Variants in TENM2 observed in about 807,000 individuals in gnomAD.
TENM2 encodes teneurin transmembrane protein 2.
Under a neutral mutation model 245.2 loss-of-function variants are expected in TENM2, and 52 were observed. The ratio of observed to expected loss-of-function variants is 0.21; its 90% CI spans 0.17 to 0.27. The LOEUF (loss-of-function observed/expected upper bound fraction) is 0.27, where lower values mean the gene tolerates loss of function less well. Among genes scored for constraint, TENM2 ranks in the 10% least tolerant of loss-of-function variants. TENM2 has a pLI of 1.00. For synonymous variants in TENM2, 1,363 were observed against 1,438.9 expected (o/e 0.95, Z 1.19); for missense variants, 3,046 against 3,666.8 (o/e 0.83, Z 4.37).
the TENM2 span, among the ~76,000 whole-genome samples, chr5:167,271,815 C>T: frequency 4.6e-5 from 7 of 152,104 alleles, no homozygotes; most frequent in African/African-American, 1.7e-4. Context: ...TTGCTCTGGA[C>T]ATTAACCAGA....
chr5:167,240,798 A>C, the TENM2 span, among the ~76,000 whole-genome samples: 2 of 152,218 alleles, frequency 1.3e-5, no homozygotes, highest in East Asian at 3.9e-4. Context: ...TTCTTAGAAC[A>C]AGAAAAATTT....
Position 167,817,398 on chromosome 5 carries a change from A to G in TENM2, c.503-58588A>G, listed in dbSNP as rs115900347. ...TATCTATTTAACTATATCATTAGAG[A>G]AAAATATATGGAAAAAACTTCTGTA... is the stretch of plus-strand genomic sequence containing the variant. On this transcript the variant is annotated intron_variant, in intron 2 of 28. Coordinates refer to ENST00000518659, the Ensembl canonical transcript of TENM2. Among the ~76,000 whole-genome samples, 1,418 of 152,326 alleles carry G rather than the reference A, an allele frequency of 9.3e-3. 12 individuals are homozygous for G. The highest frequency in any genetic ancestry group is 0.014 in the Non-Finnish European group (962 of 68,028).
chr5:167,993,505 T>C (rs1002198008), intron 5 of TENM2, among the ~76,000 whole-genome samples: 1 of 152,254 alleles, frequency 6.6e-6, no homozygotes, highest in Non-Finnish European at 1.5e-5. Context: ...TCTAGTTTTC[T>C]CCATCCTTGG....
the TENM2 span, among the ~76,000 whole-genome samples, chr5:167,244,396 G>T: frequency 6.6e-6 from 1 of 152,106 alleles, no homozygotes; most frequent in African/African-American, 2.4e-5. Context: ...TATATTTAAA[G>T]AAAAACAGGA....
At chr5:167,842,580 CAAAAAAAAAAAAA>C (rs1160974467) in intron 2 of TENM2, among the ~76,000 whole-genome samples, 7,943 of 45,376 alleles carry the variant, frequency 0.18, 389 homozygotes, top group South Asian at 0.41. Context: ...GACTCCATGT[CAAAAAAAAAAAAA>C]AAAAAAAAAA....
chr5:167,805,776 A>C (rs1766118900), intron 2 of TENM2, among the ~76,000 whole-genome samples: 1 of 152,114 alleles, frequency 6.6e-6, no homozygotes. Flanking sequence ...AGCATCCAGG[A>C]ACTGGTTTTG....
the TENM2 span, among the ~76,000 whole-genome samples, chr5:167,091,793 A>G: frequency 4.1e-3 from 623 of 152,302 alleles, 5 homozygotes; most frequent in Non-Finnish European, 4.0e-3. Flanking sequence ...TGAAAGTAGA[A>G]AGAATTTTGT....
chr5:167,282,331 G>C, upstream of TENM2, among the ~76,000 whole-genome samples: 1 of 152,058 alleles, frequency 6.6e-6, no homozygotes, highest in East Asian at 1.9e-4. Context: ...TCCTTTATTG[G>C]AGCCTAGCTT....
chr5:167,172,326 G>A, the TENM2 span, among the ~76,000 whole-genome samples: 18 of 152,266 alleles, frequency 1.2e-4, no homozygotes, highest in African/African-American at 3.6e-4. Context: ...CTATTCATAG[G>A]CAATGTGGTA....
chr5:167,617,145 T>C (rs934030809), intron 2 of TENM2, among the ~76,000 whole-genome samples: 6 of 152,192 alleles, frequency 3.9e-5, no homozygotes, highest in African/African-American at 1.2e-4. Flanking sequence ...CTTTTTCCCT[T>C]CTTTAAATTG....
At chr5:167,549,124 G>C (rs1772763275) in intron 2 of TENM2, among the ~76,000 whole-genome samples, 1 of 152,104 alleles carries the variant, frequency 6.6e-6, no homozygotes, top group Non-Finnish European at 1.5e-5. Context: ...TATCAGCTCA[G>C]CCAATCGTAG....
chr5:167,568,552 GT>G (rs1166419180), intron 2 of TENM2, among the ~76,000 whole-genome samples: 3 of 152,052 alleles, frequency 2.0e-5, no homozygotes, highest in Non-Finnish European at 1.5e-5. Context: ...CAGTAAGTGT[GT>G]GACACCATTG....
the TENM2 span, among the ~76,000 whole-genome samples, chr5:167,209,517 G>A: frequency 6.6e-6 from 1 of 152,114 alleles, no homozygotes; most frequent in Non-Finnish European, 1.5e-5. Context: ...GCCTCCCAAA[G>A]TGCTGGGATT....
At chr5:168,090,762 T>A in exon 8 of TENM2, 1 of 1,613,594 alleles carries the variant, frequency 6.2e-7, no homozygotes, top group Non-Finnish European at 8.5e-7. Flanking sequence ...TCAATACTGT[T>A]GTCCTAGGTA....
intron 1 of TENM2, among the ~76,000 whole-genome samples, chr5:167,321,858 G>T (rs1204462881): frequency 1.6e-5 from 2 of 127,946 alleles, no homozygotes; most frequent in Admixed American, 9.6e-5. Flanking sequence ...ACCCAGACTG[G>T]AGTTACAGTG....
intron 3 of TENM2, among the ~76,000 whole-genome samples, chr5:167,910,975 A>T (rs1227632721): frequency 6.6e-6 from 1 of 152,152 alleles, no homozygotes; most frequent in Non-Finnish European, 1.5e-5. Context: ...AAACCCTAGG[A>T]AAAAAGCGTA....
intron 3 of TENM2, among the ~76,000 whole-genome samples, chr5:167,907,528 T>C (rs1428939191): frequency 1.2e-4 from 1 of 8,352 alleles, no homozygotes; most frequent in African/African-American, 8.7e-4. Context: ...ACCCTAAATA[T>C]ATATATATAT....
At chr5:167,560,243 G>A (rs1023861784) in intron 2 of TENM2, among the ~76,000 whole-genome samples, 1 of 152,186 alleles carries the variant, frequency 6.6e-6, no homozygotes, top group Non-Finnish European at 1.5e-5. Flanking sequence ...ATTGAAGGCT[G>A]TGGTCCCAGA....
chr5:167,366,256 T>C (rs1410505093), intron 1 of TENM2, among the ~76,000 whole-genome samples: 1 of 152,080 alleles, frequency 6.6e-6, no homozygotes, highest in African/African-American at 2.4e-5. Flanking sequence ...TGTATTTATG[T>C]CAACCTATTT....
Sources: gnomAD v4.1 joint callset for allele counts (sites outside exome capture counted in the v4.1 genomes callset) on GRCh38, gnomAD v4.1.1 for gene constraint, MANE v1.5 for transcripts, NCBI Gene and HGNC (gene_info 2026-07-23, HGNC 2026-07-21) for gene names.